Variants in PTPN21 observed in about 807,000 individuals in gnomAD.
The protein encoded by PTPN21 is protein tyrosine phosphatase non-receptor type 21, also known as tyrosine-protein phosphatase non-receptor type 21.
PTPN21 carries 77 observed loss-of-function variants against 131.8 expected under a neutral mutation model. The ratio of observed to expected loss-of-function variants is 0.58; its 90% confidence interval spans 0.49 to 0.71. PTPN21 has a LOEUF of 0.71. Among genes scored for constraint, PTPN21 ranks in the 30% least tolerant of loss-of-function variants. PTPN21 has a pLI of 0.00. For synonymous variants in PTPN21, 715 were observed against 621.3 expected (o/e 1.15, Z -2.24); for missense variants, 1,552 against 1,527.1 (o/e 1.02, Z -0.27).
At chr14:88,548,668 A>G (rs1474554108) in intron 2 of PTPN21, among the ~76,000 whole-genome samples, 1 of 152,222 alleles carries the variant, frequency 6.6e-6, no homozygotes, top group Non-Finnish European at 1.5e-5. Flanking sequence ...GATGGTCACC[A>G]GGAGCAAAGT....
intron 2 of PTPN21, among the ~76,000 whole-genome samples, chr14:88,538,713 G>T (rs1055054096): frequency 6.6e-6 from 1 of 152,168 alleles, no homozygotes; most frequent in Admixed American, 6.5e-5. Flanking sequence ...TTTGTCAAAG[G>T]TTATAAACCA....
At chr14:88,497,156 T>G in intron 9 of PTPN21, 47 bp downstream of exon 9, 1 of 1,450,442 alleles carries the variant, frequency 6.9e-7, no homozygotes, top group South Asian at 1.1e-5. Context: ...TAGAACTTGT[T>G]AACTTTTAGG....
At position 88,516,989 on chromosome 14, in the gene PTPN21, G is replaced by A. The variant is rs994987917; in HGVS notation, c.350+103C>T. On this transcript the variant is annotated intron_variant, in intron 3 of 18. Coordinates refer to ENST00000556564, the MANE Select transcript of PTPN21 (RefSeq NM_007039.4). ...AACACCGTGGCTAAAAATGTGGGGC[G>A]AGAGGGCAAAGTTTCAAACTTATCT... 57 of 1,331,856 alleles carry A rather than the reference G, an allele frequency of 4.3e-5. No individual in the cohort carries two copies. In the African/African-American group the frequency reaches 4.7e-4, roughly 11 times the overall value. 82.5% of individuals were successfully genotyped at this position (1,331,856 alleles called of 1,614,324 possible). A position where few individuals can be genotyped will look rare whatever the true frequency, so the allele number is the denominator to read the frequency against.
intron 1 of PTPN21, 71 bp downstream of exon 1, chr14:88,554,580 G>C (rs2078900883): frequency 6.6e-6 from 1 of 150,528 alleles, no homozygotes; most frequent in South Asian, 2.1e-4. Flanking sequence ...CCGGGGTCCG[G>C]GCGAGTGGAC....
rs1171003409 is a variant in PTPN21 at position 88,468,979 on chromosome 14, C to A, written c.3333G>T (p.Gly1111=). Residue 1111 remains glycine (G), a synonymous_variant, in exon 18 of 19, where the codon GGG becomes GGT. Transcript: ENST00000556564. ...NPPLLVHCSA[G]VGRTGVVILS... is the part of the protein sequence containing the mutation. ...AAATCACCACGCCAGTCCTTCCTACCCCAGCACTGCAGTGGACCAACAACG... is the reference window on the plus strand; with the variant it reads ...AAATCACCACGCCAGTCCTTCCTACACCAGCACTGCAGTGGACCAACAACG... The A allele has an allele frequency of 6.2e-7, 1 of 1,614,174 alleles. No homozygotes were observed. The highest frequency in any genetic ancestry group is 1.7e-5 in the Admixed American group (1 of 60,012).
At chr14:88,511,046 G>A (rs148826606) in intron 3 of PTPN21, among the ~76,000 whole-genome samples, 1 of 151,900 alleles carries the variant, frequency 6.6e-6, no homozygotes, top group Non-Finnish European at 1.5e-5. Flanking sequence ...CTGAGTAGTT[G>A]GGACCACAGG....
At chr14:88,484,250 C>A (rs1018907544) in intron 12 of PTPN21, among the ~76,000 whole-genome samples, 2 of 150,164 alleles carry the variant, frequency 1.3e-5, no homozygotes, top group African/African-American at 4.9e-5. Context: ...CAGGGTCTGG[C>A]CCTGTGGTCC....
At chr14:88,552,702 CAG>C in intron 1 of PTPN21, among the ~76,000 whole-genome samples, 1 of 152,258 alleles carries the variant, frequency 6.6e-6, no homozygotes, top group Admixed American at 6.5e-5. Flanking sequence ...TGGAGGGAAA[CAG>C]AAAATAAGTA....
At chr14:88,473,419 CAGG>C (rs897962745) in intron 14 of PTPN21, among the ~76,000 whole-genome samples, 3 of 151,958 alleles carry the variant, frequency 2.0e-5, no homozygotes, top group African/African-American at 7.3e-5. Flanking sequence ...TCCAAAAGGC[CAGG>C]AGAAGGTAAA....
At position 88,517,169 on chromosome 14, in the gene PTPN21, A is replaced by G. The variant is rs765227778; in HGVS notation, c.273T>C (p.Tyr91=). The G allele has an allele frequency of 1.9e-6, 3 of 1,614,156 alleles. No homozygotes were observed. The highest frequency in any genetic ancestry group is 2.2e-5 in the East Asian group (1 of 44,890). Residue 91 remains tyrosine (Y), a synonymous_variant, in exon 3 of 19, where the codon TAT becomes TAC. Coordinates refer to ENST00000556564, the MANE Select transcript of PTPN21 (RefSeq NM_007039.4). ...EKPLKKQLDK[Y]ALEPTVYFGV... ...CAAAATAGACGGTAGGTTCCAATGC[A>G]TATTTATCCAGCTGCTTCTTCAAAG...
chr14:88,550,511 G>A lies in PTPN21; in HGVS notation c.-94C>T, dbSNP rs2896079. 3.2e-6 allele frequency: 4 copies of A among 1,239,072 alleles called. No individual in the cohort carries two copies. In the South Asian group the frequency reaches 5.9e-5, roughly 18 times the overall value. The allele number at this position is 1,239,072 out of a possible 1,614,324, so 76.8% of individuals were successfully genotyped here. On this transcript the variant is annotated 5_prime_UTR_variant, in exon 2 of 19. Coordinates refer to ENST00000556564, the MANE Select transcript of PTPN21 (RefSeq NM_007039.4). ...CGCCAGGAGAAAGCGATCCTCTCCG[G>A]ATGGGACGAACACTGTCCGGCCTCC...
At chr14:88,492,617 T>A (rs947927390) in intron 10 of PTPN21, among the ~76,000 whole-genome samples, 1 of 152,166 alleles carries the variant, frequency 6.6e-6, no homozygotes, top group African/African-American at 2.4e-5. Flanking sequence ...CCGCATGTTA[T>A]CTTTACACTG....
intron 2 of PTPN21, among the ~76,000 whole-genome samples, chr14:88,531,202 C>T (rs887516961): frequency 6.6e-6 from 1 of 152,082 alleles, no homozygotes; most frequent in South Asian, 2.1e-4. Flanking sequence ...GAATCAACAA[C>T]AAAATAAAGA....
At chr14:88,510,981 G>C (rs1400169896) in intron 3 of PTPN21, among the ~76,000 whole-genome samples, 1 of 151,044 alleles carries the variant, frequency 6.6e-6, no homozygotes. Context: ...GGCGTAATCA[G>C]GGCTCACTAC....
chr14:88,528,164 G>GT (rs2078507856), intron 2 of PTPN21, among the ~76,000 whole-genome samples: 1 of 152,062 alleles, frequency 6.6e-6, no homozygotes, highest in Admixed American at 6.6e-5. Context: ...TTTTAGGATT[G>GT]TTTTTTCTAG....
chr14:88,514,368 G>A (rs1393304330), intron 3 of PTPN21, among the ~76,000 whole-genome samples: 1 of 151,660 alleles, frequency 6.6e-6, no homozygotes, highest in African/African-American at 2.4e-5. Flanking sequence ...AGTATCAGGT[G>A]GCAGTTTTCT....
At position 88,554,802 on chromosome 14, in the gene PTPN21, C is replaced by T. The variant is rs977110735; in HGVS notation, c.-354G>A. The T allele has an allele frequency of 2.6e-5, 4 of 151,446 alleles. No homozygotes were observed. Among genetic ancestry groups the T allele is most frequent in the African/African-American group, 9.7e-5 (4 of 41,352 alleles). 9.4% of individuals were successfully genotyped at this position (151,446 alleles called of 1,614,324 possible). ...GGGGCTCGCACGCCTCACTTCCTGT[C>T]TCCAAAAACCCGGCTCGCAGACCAT... On this transcript the variant is annotated 5_prime_UTR_variant, in exon 1 of 19. Transcript: ENST00000556564.
intron 8 of PTPN21, among the ~76,000 whole-genome samples, chr14:88,498,381 T>C (rs923719360): frequency 6.6e-6 from 1 of 152,176 alleles, no homozygotes; most frequent in African/African-American, 2.4e-5. Context: ...AGTAAACTCA[T>C]GTATAATAAA....
At position 88,467,302 on chromosome 14, in the gene PTPN21, G is replaced by C. The variant is rs2077379999; in HGVS notation, c.*835C>G. ...CAAAAAAGTGCTTAAAACCACCCTA[G>C]GCAATTGTTTTTCACTTCATTTTCA... On this transcript the variant is annotated 3_prime_UTR_variant, in exon 19 of 19. Coordinates refer to ENST00000556564, the MANE Select transcript of PTPN21 (RefSeq NM_007039.4). 6.6e-6 allele frequency: 1 copy of C among 152,062 alleles called. No individual in the cohort carries two copies. Among genetic ancestry groups the C allele is most frequent in the African/African-American group, 2.4e-5 (1 of 41,398 alleles). 9.4% of individuals were successfully genotyped at this position (152,062 alleles called of 1,614,324 possible).
Sources: allele counts gnomAD v4.1 joint callset (sites outside exome capture counted in the v4.1 genomes callset), GRCh38; gene constraint gnomAD v4.1.1; transcripts MANE v1.5; gene names NCBI Gene and HGNC (gene_info 2026-07-23, HGNC 2026-07-21).